Variants in ZNF589 observed in about 807,000 individuals in gnomAD.
The protein encoded by ZNF589 is KRAB-zinc finger protein SZF1-1.
ZNF589 carries 17 observed loss-of-function variants against 13.6 expected under a neutral mutation model. The observed-to-expected ratio is 1.25, with a 90% confidence interval of 0.86 to 1.88. ZNF589 has a LOEUF of 1.88. ZNF589 is among the 40% of genes most tolerant of loss of function. The probability of loss-of-function intolerance (pLI) is 0.00; values close to 1 mark genes in which losing one functional copy is unlikely to be tolerated. For missense variants in ZNF589, 407 were observed against 434.0 expected (o/e 0.94, Z 0.55); for synonymous variants, 148 against 161.6 (o/e 0.92, Z 0.64).
intron 2 of ZNF589, among the ~76,000 whole-genome samples, chr3:48,252,063 G>A (rs1409051734): frequency 6.6e-6 from 1 of 151,708 alleles, no homozygotes; most frequent in African/African-American, 2.4e-5. Context: ...ATCAATTGTG[G>A]GTCTGTTTTC....
chr3:48,270,253 C>A lies in ZNF589; in HGVS notation c.*1467C>A. 2.2e-6 allele frequency: 1 copy of A among 457,022 alleles called. No homozygotes were observed. Among genetic ancestry groups the A allele is most frequent in the South Asian group, 1.5e-5 (1 of 64,564 alleles). The allele number at this position is 457,022 out of a possible 1,614,324, so 28.3% of individuals were successfully genotyped here. A position where few individuals can be genotyped will look rare whatever the true frequency, so the allele number is the denominator to read the frequency against. On this transcript the variant is annotated 3_prime_UTR_variant, in exon 4 of 4. Coordinates refer to ENST00000354698, the MANE Select transcript of ZNF589 (RefSeq NM_016089.3). ...CCTTTACCAGGTCCCCTTCCTAACCCTCCAGTCCCAAATCCAAGATTCTTT... is the reference window on the plus strand; with the variant it reads ...CCTTTACCAGGTCCCCTTCCTAACCATCCAGTCCCAAATCCAAGATTCTTT...
At chr3:48,248,766 A>G (rs989343060) in intron 2 of ZNF589, among the ~76,000 whole-genome samples, 3 of 152,264 alleles carry the variant, frequency 2.0e-5, no homozygotes, top group African/African-American at 7.2e-5. Flanking sequence ...TAGTACAGGG[A>G]AAGACTAAGT....
intron 2 of ZNF589, among the ~76,000 whole-genome samples, chr3:48,257,757 G>A (rs993622587): frequency 2.6e-5 from 4 of 151,974 alleles, no homozygotes; most frequent in Non-Finnish European, 5.9e-5. Flanking sequence ...TGAGGTTTTA[G>A]GTTGAGGTTA....
Position 48,250,976 on chromosome 3 carries a change from C to G in ZNF589, c.96+3299C>G, listed in dbSNP as rs1468847456. Among the ~76,000 whole-genome samples the G allele has an allele frequency of 5.9e-5, 9 of 152,148 alleles. No homozygotes were observed. In the East Asian group the frequency reaches 1.7e-3, roughly 29 times the overall value. ...ATGTTGGCCAGGCTGGTCTCAAGTT[C>G]CTGACCTCAAGGTAACCTCCCACCT... is the stretch of plus-strand genomic sequence containing the variant. On this transcript the variant is annotated intron_variant, in intron 2 of 3. Coordinates refer to ENST00000354698, the MANE Select transcript of ZNF589 (RefSeq NM_016089.3).
chr3:48,263,616 C>T (rs765209984), intron 3 of ZNF589, among the ~76,000 whole-genome samples: 3 of 151,950 alleles, frequency 2.0e-5, no homozygotes, highest in South Asian at 4.2e-4. Context: ...AAAAACAGGC[C>T]GGCATGGTGA....
rs1429814231 is a variant in ZNF589 at position 48,267,833 on chromosome 3, T to A, written c.224-82T>A. 4.3e-6 allele frequency: 6 copies of A among 1,392,726 alleles called. No individual in the cohort carries two copies. The East Asian group carries it at 1.2e-4, about 27-fold the overall frequency. The allele number at this position is 1,392,726 out of a possible 1,614,324, so 86.3% of individuals were successfully genotyped here. ...AAAGACTTTAATCATTGAGAATGAT[T>A]AATGGGCCAGGTCTTATCATAAAAC... On this transcript the variant is annotated intron_variant, in intron 3 of 3. Coordinates refer to ENST00000354698, the MANE Select transcript of ZNF589 (RefSeq NM_016089.3).
In ZNF589 at chr3:48,267,912, C is replaced by A. The variant is rs2034036626; in HGVS notation, c.224-3C>A. 6.2e-7 allele frequency: 1 copy of A among 1,600,658 alleles called. No individual in the cohort carries two copies. Among genetic ancestry groups the A allele is most frequent in the East Asian group, 2.2e-5 (1 of 44,818 alleles). ...CTTCTGACTGGAAACTTTCTTTCTTCAGCAGAATCAAAGCCAGAAGTCCAT... is the reference window on the plus strand; with the variant it reads ...CTTCTGACTGGAAACTTTCTTTCTTAAGCAGAATCAAAGCCAGAAGTCCAT... On this transcript the variant is annotated splice_region_variant and splice_polypyrimidine_tract_variant and intron_variant, in intron 3 of 3. Coordinates refer to ENST00000354698, the MANE Select transcript of ZNF589 (RefSeq NM_016089.3).
intron 2 of ZNF589, chr3:48,257,122 C>G: frequency 2.3e-6 from 1 of 427,794 alleles, no homozygotes; most frequent in East Asian, 6.8e-5. Flanking sequence ...GTTTTAATTT[C>G]TAATGTCTTT....
At chr3:48,252,250 G>A (rs1429005932) in intron 2 of ZNF589, among the ~76,000 whole-genome samples, 2 of 151,498 alleles carry the variant, frequency 1.3e-5, no homozygotes, top group African/African-American at 4.9e-5. Flanking sequence ...AAAGTGCAGT[G>A]GCATAATCTT....
Position 48,243,748 on chromosome 3 carries a change from C to T in ZNF589, c.43+2534C>T, listed in dbSNP as rs998689046. On this transcript the variant is annotated intron_variant, in intron 1 of 3. Coordinates refer to ENST00000354698, the MANE Select transcript of ZNF589 (RefSeq NM_016089.3). ...TGGAGGTTGCAGTGAGCTTAGATCGCGCCACTGTATTCTAGCCTGGGCACC... is the reference window on the plus strand; with the variant it reads ...TGGAGGTTGCAGTGAGCTTAGATCGTGCCACTGTATTCTAGCCTGGGCACC... Among the ~76,000 whole-genome samples, 7 of 150,180 alleles carry T rather than the reference C, an allele frequency of 4.7e-5. No individual in the cohort carries two copies. In the South Asian group the frequency reaches 1.5e-3, roughly 31 times the overall value.
At chr3:48,242,835 CAG>C (rs2033713556) in intron 1 of ZNF589, among the ~76,000 whole-genome samples, 1 of 150,700 alleles carries the variant, frequency 6.6e-6, no homozygotes, top group African/African-American at 2.4e-5. Context: ...GAGGCCAAGG[CAG>C]GAGGATCTCT....
chr3:48,247,687 G>A lies in ZNF589; in HGVS notation c.96+10G>A. 1.2e-6 allele frequency: 2 copies of A among 1,612,794 alleles called. No homozygotes were observed. The highest frequency in any genetic ancestry group is 1.7e-6 in the Non-Finnish European group (2 of 1,179,172). The stretch of plus-strand genomic sequence containing the variant: ...GAAGCCTAGATATCTGGTGAGTTGG[G>A]CCCGCCCTTCTCTTTTCTGAAATGC... On this transcript the variant is annotated intron_variant, in intron 2 of 3. Transcript: ENST00000354698.
At chr3:48,249,159 A>G (rs1366611841) in intron 2 of ZNF589, among the ~76,000 whole-genome samples, 7 of 151,160 alleles carry the variant, frequency 4.6e-5, no homozygotes, top group Non-Finnish European at 1.0e-4. Flanking sequence ...CTGGAGTGCA[A>G]TGGCATGATC....
chr3:48,246,038 C>G (rs991967105), intron 1 of ZNF589, among the ~76,000 whole-genome samples: 5 of 151,804 alleles, frequency 3.3e-5, no homozygotes, highest in Non-Finnish European at 7.4e-5. Context: ...ATAGGCCAGG[C>G]GTCGTGGGTC....
chr3:48,256,263 G>A (rs1164929361), intron 2 of ZNF589: 5 of 398,340 alleles, frequency 1.3e-5, no homozygotes, highest in Non-Finnish European at 1.9e-5. Flanking sequence ...TGGGGCAGGA[G>A]TATAGTTGTG....
At chr3:48,251,289 C>A (rs188879486) in intron 2 of ZNF589, among the ~76,000 whole-genome samples, 2 of 151,884 alleles carry the variant, frequency 1.3e-5, no homozygotes, top group Admixed American at 1.3e-4. Context: ...TCCAGCTACT[C>A]GGGAGGCTGA....
chr3:48,246,743 A>C (rs1433339663), intron 1 of ZNF589, among the ~76,000 whole-genome samples: 1 of 151,920 alleles, frequency 6.6e-6, no homozygotes, highest in East Asian at 1.9e-4. Flanking sequence ...ATCTCGGCAC[A>C]CTGCAAGCTC....
intron 2 of ZNF589, chr3:48,256,678 C>G (rs2033906665): frequency 7.1e-7 from 1 of 1,405,846 alleles, no homozygotes; most frequent in Non-Finnish European, 1.0e-6. Context: ...GGCTAAGCAG[C>G]AAAACATCAT....
chr3:48,249,105 T>C (rs1240878723), intron 2 of ZNF589, among the ~76,000 whole-genome samples: 2 of 138,612 alleles, frequency 1.4e-5, no homozygotes, highest in Admixed American at 1.4e-4. Context: ...ACCTTTTTTT[T>C]TCTTTTTTTT....
Sources: gnomAD v4.1 joint callset for allele counts (sites outside exome capture counted in the v4.1 genomes callset) on GRCh38, gnomAD v4.1.1 for gene constraint, MANE v1.5 for transcripts, NCBI Gene and HGNC (gene_info 2026-07-23, HGNC 2026-07-21) for gene names.